The following PSMC2 variants were observed in gnomAD, a reference collection of about 807,000 sequenced individuals.
PSMC2 encodes the protein 26S proteasome regulatory subunit 7.
PSMC2 carries 7 observed loss-of-function variants against 53.3 expected under a neutral mutation model. That is an observed-to-expected ratio of 0.13 (90% CI 0.07 to 0.25). The LOEUF is 0.25. Among genes scored for constraint, PSMC2 ranks in the 10% least tolerant of loss-of-function variants. PSMC2 has a pLI of 1.00. For missense variants in PSMC2, 241 were observed against 544.0 expected (o/e 0.44, Z 5.54); for synonymous variants, 169 against 183.9 (o/e 0.92, Z 0.66).
chr7:103,363,299 A>G (rs377687507), intron 6 of PSMC2, 45 bp from the exon 7 acceptor site: 148 of 1,485,988 alleles, frequency 1.0e-4, no homozygotes, highest in Admixed American at 1.9e-4. Context: ...GACAGTATCC[A>G]AAAAGCCTGT....
In PSMC2 at chr7:103,368,103, T is replaced by A. The variant is rs1286477018; in HGVS notation, c.*49T>A. 6.7e-7 allele frequency: 1 copy of A among 1,500,970 alleles called. No individual in the cohort carries two copies. Among genetic ancestry groups the A allele is most frequent in the Non-Finnish European group, 9.0e-7 (1 of 1,110,130 alleles). 93.0% of individuals were successfully genotyped at this position (1,500,970 alleles called of 1,614,324 possible). ...ACTTTAAATTGGAATCCTAACCTTA[T>A]ATAGACTTGTTAATAACCAATTCAT... On this transcript the variant is annotated 3_prime_UTR_variant, in exon 12 of 12. Coordinates refer to ENST00000292644, the MANE Select transcript of PSMC2 (RefSeq NM_002803.4).
intron 7 of PSMC2, 58 bp downstream of exon 7, chr7:103,363,497 G>C: frequency 6.8e-7 from 1 of 1,463,950 alleles, no homozygotes; most frequent in Non-Finnish European, 9.6e-7. Context: ...TTTGTGTATT[G>C]AGCACTAAAA....
chr7:103,347,584 AGCACT>A, upstream of PSMC2: 1 of 1,038,522 alleles, frequency 9.6e-7, no homozygotes, highest in Non-Finnish European at 1.5e-6. Context: ...CGGACTCTGA[AGCACT>A]GCATAAAGGG....
chr7:103,364,958 C>CATAT (rs59914167), intron 8 of PSMC2, among the ~76,000 whole-genome samples: 51,578 of 125,252 alleles, frequency 0.41, 11,544 homozygotes, highest in Non-Finnish European at 0.49. Flanking sequence ...TGTAGACATA[C>CATAT]ATATATATAT....
chr7:103,363,192 A>C (rs1820514219), intron 6 of PSMC2, 152 bp from the exon 7 acceptor site: 2 of 599,438 alleles, frequency 3.3e-6, no homozygotes, highest in Non-Finnish European at 2.9e-6. Context: ...TAATACAGCA[A>C]GTAGTTCCAG....
chr7:103,347,574 C>T (rs1819629438), upstream of PSMC2: 1 of 927,534 alleles, frequency 1.1e-6, no homozygotes. Context: ...GGGCTCTGTC[C>T]GGACTCTGAA....
intron 8 of PSMC2, among the ~76,000 whole-genome samples, chr7:103,365,741 A>T (rs1563496615): frequency 6.6e-6 from 1 of 152,260 alleles, no homozygotes; most frequent in Non-Finnish European, 1.5e-5. Context: ...CAGCCTGGCC[A>T]AGATGCTGAA....
At chr7:103,352,708 A>G (rs1217712402) in intron 1 of PSMC2, 3 of 654,322 alleles carry the variant, frequency 4.6e-6, no homozygotes, top group Non-Finnish European at 8.4e-6. Flanking sequence ...ATAATCTTAA[A>G]TCCTAAAAAC....
At position 103,355,668 on chromosome 7, in the gene PSMC2, A is replaced by G. The variant is rs1372101000; in HGVS notation, c.191-26A>G. 3.2e-6 allele frequency: 5 copies of G among 1,559,064 alleles called. No homozygotes were observed. The East Asian group carries it at 1.1e-4, about 35-fold the overall frequency. ...ATAGGGTGATGCATTACATTTTAGT[A>G]AATTTTGTCATCTTTCTCTATGTAG... On this transcript the variant is annotated intron_variant, in intron 3 of 11. Coordinates refer to ENST00000292644, the MANE Select transcript of PSMC2 (RefSeq NM_002803.4).
intron 1 of PSMC2, chr7:103,348,514 T>A (rs1586129610): frequency 1.5e-6 from 1 of 660,768 alleles, no homozygotes; most frequent in Middle Eastern, 4.0e-4. Flanking sequence ...GTAATGTATT[T>A]ATTATTGATG....
At chr7:103,356,467 G>A (rs1366871724) in intron 4 of PSMC2, among the ~76,000 whole-genome samples, 2 of 152,128 alleles carry the variant, frequency 1.3e-5, no homozygotes, top group African/African-American at 2.4e-5. Flanking sequence ...GAGGCTTTGA[G>A]GCAAATGTCC....
At chr7:103,353,819 T>G in intron 1 of PSMC2, 102 bp from the exon 2 acceptor site, 1 of 1,025,120 alleles carries the variant, frequency 9.8e-7, no homozygotes, top group Non-Finnish European at 1.5e-6. Context: ...GACACTCACT[T>G]AAAACAATTT....
chr7:103,357,755 T>G (rs572312841), intron 4 of PSMC2, among the ~76,000 whole-genome samples: 6 of 152,236 alleles, frequency 3.9e-5, no homozygotes, highest in Non-Finnish European at 5.9e-5. Context: ...TAGTGGTGGT[T>G]GTTATAACGT....
At chr7:103,354,784 G>A in intron 2 of PSMC2, 84 bp from the exon 3 acceptor site, 1 of 861,146 alleles carries the variant, frequency 1.2e-6, no homozygotes, top group Non-Finnish European at 1.9e-6. Flanking sequence ...TATTGAAATT[G>A]TAACTTAAAA....
chr7:103,362,164 G>A, intron 5 of PSMC2, 76 bp downstream of exon 5: 6 of 1,583,840 alleles, frequency 3.8e-6, no homozygotes, highest in African/African-American at 1.4e-5. Context: ...TGGCTTTGTA[G>A]TGAATAAATG....
intron 4 of PSMC2, among the ~76,000 whole-genome samples, chr7:103,356,629 T>G (rs1317124777): frequency 6.6e-6 from 1 of 152,242 alleles, no homozygotes; most frequent in African/African-American, 2.4e-5. Flanking sequence ...CTACTCATGT[T>G]TTGTTCTTGG....
intron 1 of PSMC2, chr7:103,352,938 G>C (rs1186221404): frequency 1.3e-6 from 1 of 780,810 alleles, no homozygotes; most frequent in Admixed American, 1.7e-5. Context: ...TGAAACAAGA[G>C]GGTAGAGTGA....
intron 1 of PSMC2, among the ~76,000 whole-genome samples, chr7:103,350,991 CT>C (rs1819720514): frequency 6.6e-6 from 1 of 152,200 alleles, no homozygotes; most frequent in African/African-American, 2.4e-5. Context: ...TGCTTCTTTT[CT>C]TTCCTTCATT....
chr7:103,350,168 C>T (rs1056485380), intron 1 of PSMC2, among the ~76,000 whole-genome samples: 2 of 152,100 alleles, frequency 1.3e-5, no homozygotes, highest in Non-Finnish European at 2.9e-5. Context: ...TCCATTTTAT[C>T]TTAAAAACAT....
Sources: allele counts gnomAD v4.1 joint callset (sites outside exome capture counted in the v4.1 genomes callset), GRCh38; gene constraint gnomAD v4.1.1; transcripts MANE v1.5; gene names NCBI Gene and HGNC (gene_info 2026-07-23, HGNC 2026-07-21).